TRMT1: variants seen among roughly 807,000 people sequenced by gnomAD.
TRMT1 encodes tRNA methyltransferase 1.
Under a neutral mutation model 75.4 loss-of-function variants are expected in TRMT1, and 63 were observed. The ratio of observed to expected loss-of-function variants is 0.84; its 90% confidence interval spans 0.68 to 1.03. The LOEUF is 1.03. Among genes scored for constraint, TRMT1 ranks in the 50% least tolerant of loss-of-function variants. The pLI is 0.00. For synonymous variants in TRMT1, 382 were observed against 358.1 expected (o/e 1.07, Z -0.75); for missense variants, 870 against 905.3 (o/e 0.96, Z 0.50).
chr19:13,112,850 C>CAACA (rs747687079), intron 6 of TRMT1, 33 bp from the exon 7 acceptor site: 1 of 1,613,672 alleles, frequency 6.2e-7, no homozygotes, highest in Non-Finnish European at 8.5e-7. Context: ...GAGAACCCTC[C>CAACA]AACACCCCAA....
rs1392783897 is a variant in TRMT1 at position 13,116,196 on chromosome 19, A to G, written c.204T>C (p.Ser68=). ...TEGAAKIAFP[S]ANEVFYNPVQ... Reference sequence around the variant, plus strand: ...CCGGGTTATAAAAGACCTCGTTGGCACTGGGAAAGGCGATTTTGGCAGCCC... The same window carrying G: ...CCGGGTTATAAAAGACCTCGTTGGCGCTGGGAAAGGCGATTTTGGCAGCCC... The change falls in exon 2 of 17, where the codon AGT becomes AGC. Residue 68 remains serine, a synonymous_variant. Coordinates refer to ENST00000357720, the MANE Select transcript of TRMT1 (RefSeq NM_001136035.4). 1 of 1,613,954 alleles carries G rather than the reference A, an allele frequency of 6.2e-7. No individual in the cohort carries two copies. The highest frequency in any genetic ancestry group is 1.3e-5 in the African/African-American group (1 of 74,876).
chr19:13,109,316 CCTGG>C, intron 12 of TRMT1, 61 bp downstream of exon 12: 6 of 1,586,164 alleles, frequency 3.8e-6, no homozygotes, highest in Non-Finnish European at 5.2e-6. Context: ...CATGAGAATC[CCTGG>C]ACTTGCCCCA....
intron 14 of TRMT1, 98 bp downstream of exon 14, chr19:13,107,476 C>A: frequency 7.2e-7 from 1 of 1,381,446 alleles, no homozygotes; most frequent in South Asian, 1.2e-5. Flanking sequence ...GAAGAATGGG[C>A]ACGAGTCTGT....
rs140145103 is a variant in TRMT1, at chr19:13,113,052, G to C, written c.642-41C>G. The C allele has an allele frequency of 1.7e-4, 261 of 1,520,240 alleles. 3 individuals are homozygous for C. The East Asian group carries it at 5.9e-3, about 35-fold the overall frequency. 94.2% of individuals were successfully genotyped at this position (1,520,240 alleles called of 1,614,324 possible). On this transcript the variant is annotated intron_variant, in intron 5 of 16. Transcript: ENST00000357720. Reference sequence around the variant, plus strand: ...GCCAGGTCCTCAGCCTCCCACGCCAGGTACCTTCTCTGTCCCCTACACATA... The same window carrying C: ...GCCAGGTCCTCAGCCTCCCACGCCACGTACCTTCTCTGTCCCCTACACATA...
chr19:13,110,678 G>C (rs1176957749), intron 7 of TRMT1, among the ~76,000 whole-genome samples: 1 of 152,192 alleles, frequency 6.6e-6, no homozygotes. Context: ...TAGAACTGCT[G>C]GGGCCTGGGC....
At chr19:13,106,851 C>T (rs1305287359) in intron 14 of TRMT1, among the ~76,000 whole-genome samples, 12 of 150,956 alleles carry the variant, frequency 7.9e-5, no homozygotes, top group African/African-American at 2.9e-4. Context: ...GAGACGGAGT[C>T]TTACTCTGTC....
chr19:13,107,470 A>T, intron 14 of TRMT1, 104 bp downstream of exon 14: 1 of 1,354,650 alleles, frequency 7.4e-7, no homozygotes, highest in Non-Finnish European at 1.0e-6. Context: ...TCACTTGAAG[A>T]ATGGGCACGA....
chr19:13,113,753 G>A (rs2019229887), intron 5 of TRMT1, among the ~76,000 whole-genome samples: 1 of 151,424 alleles, frequency 6.6e-6, no homozygotes, highest in South Asian at 2.1e-4. Flanking sequence ...GGGATTACAG[G>A]CACGTGCCAC....
At chr19:13,113,740 G>C (rs1021382764) in intron 5 of TRMT1, among the ~76,000 whole-genome samples, 3 of 151,948 alleles carry the variant, frequency 2.0e-5, no homozygotes, top group African/African-American at 7.3e-5. Flanking sequence ...TTCCCAAGTA[G>C]CTGGGATTAC....
chr19:13,112,239 T>C (rs2019168741), intron 7 of TRMT1, among the ~76,000 whole-genome samples: 1 of 151,952 alleles, frequency 6.6e-6, no homozygotes, highest in Non-Finnish European at 1.5e-5. Context: ...TCCACCTGCC[T>C]AGGCCTCCCA....
chr19:13,116,536 C>T (rs1368195661), intron 1 of TRMT1, 105 bp from the exon 2 acceptor site: 4 of 1,221,808 alleles, frequency 3.3e-6, no homozygotes, highest in African/African-American at 1.5e-5. Context: ...AAACCTGCGG[C>T]CTCGGTAAGC....
chr19:13,106,311 G>C (rs554445890), intron 14 of TRMT1, among the ~76,000 whole-genome samples: 10 of 152,144 alleles, frequency 6.6e-5, no homozygotes, highest in East Asian at 3.9e-4. Flanking sequence ...GGGCTCAAGC[G>C]ATCTTCCCGC....
chr19:13,116,303 T>C lies in TRMT1; in HGVS notation c.97A>G (p.Asn33Asp). 5 of 1,614,044 alleles carry C rather than the reference T, an allele frequency of 3.1e-6. No homozygotes were observed. The highest frequency in any genetic ancestry group is 4.2e-6 in the Non-Finnish European group (5 of 1,180,016). Reference sequence around the variant, plus strand: ...GTGCCGTTCTCCATCGCTGCTGTATTCGGCAGCCCTGGAGACTGCCACTCG... The same window carrying C: ...GTGCCGTTCTCCATCGCTGCTGTATCCGGCAGCCCTGGAGACTGCCACTCG... ...FFEWQSPGLP[N>D]TAAMENGTGP... is the part of the protein sequence containing the mutation. The change falls in exon 2 of 17, where the codon AAT becomes GAT. Residue 33 changes from asparagine to aspartate, a missense_variant. Coordinates refer to ENST00000357720, the MANE Select transcript of TRMT1 (RefSeq NM_001136035.4).
rs1320887970 is a variant in TRMT1 at position 13,115,999 on chromosome 19, T to C, written c.308A>G (p.Gln103Arg). 2.5e-6 allele frequency: 4 copies of C among 1,613,814 alleles called. No individual in the cohort carries two copies. The highest frequency in any genetic ancestry group is 3.4e-6 in the Non-Finnish European group (4 of 1,180,000). ...CAGAAGCCTGGACCTCCACTCACTC[T>C]GGATTCCTTTGGCCCCAAGCTGAAT... Reference protein sequence around the residue: ...ARIQLGAKGIQIKVPGEKDTQ... With the variant: ...ARIQLGAKGIRIKVPGEKDTQ... Residue 103 changes from glutamine (Q) to arginine (R), a missense_variant and splice_region_variant, in exon 3 of 17, where the codon CAG becomes CGG. By Grantham distance (43) the Gln-to-Arg change is conservative (BLOSUM62 1). Transcript: ENST00000357720.
rs766037892 is a variant in TRMT1, at chr19:13,116,306, G to A, written c.94C>T (p.Pro32Ser). The stretch of plus-strand genomic sequence containing the variant: ...CCGTTCTCCATCGCTGCTGTATTCG[G>A]CAGCCCTGGAGACTGCCACTCGAAA... Reference protein sequence around the residue: ...RFFEWQSPGLPNTAAMENGTG... With the variant: ...RFFEWQSPGLSNTAAMENGTG... Residue 32 changes from proline to serine, a missense_variant, in exon 2 of 17, where the codon CCG becomes TCG. Transcript: ENST00000357720. The A allele has an allele frequency of 7.4e-6, 12 of 1,614,074 alleles. No individual in the cohort carries two copies. In the South Asian group the frequency reaches 1.2e-4, roughly 16 times the overall value.
chr19:13,113,114 C>CA, intron 5 of TRMT1, 103 bp from the exon 6 acceptor site: 1 of 684,736 alleles, frequency 1.5e-6, no homozygotes, highest in African/African-American at 1.9e-5. Context: ...GTCTGAACTC[C>CA]GGGGCCAGAT....
chr19:13,110,764 A>G (rs573252541), intron 7 of TRMT1, among the ~76,000 whole-genome samples: 54 of 152,228 alleles, frequency 3.5e-4, no homozygotes, highest in African/African-American at 1.3e-3. Flanking sequence ...CCTGGCTAAC[A>G]TGATGAAATC....
Position 13,105,281 on chromosome 19 carries a change from T to A in TRMT1, c.1819A>T (p.Lys607Ter). ...AGGGACCTCACCTCCTTAAACCTCTTGCAAGGAAATGTCTTGAGCCGGGCA... is the reference window on the plus strand; with the variant it reads ...AGGGACCTCACCTCCTTAAACCTCTAGCAAGGAAATGTCTTGAGCCGGGCA... ...RAARLKTFPC[K>*]RFKEGTCQRG... Residue 607 changes from lysine (K) to a stop codon, truncating the protein, a stop_gained, in exon 16 of 17, where the codon AAG becomes TAG. Coordinates refer to ENST00000357720, the MANE Select transcript of TRMT1 (RefSeq NM_001136035.4). LOFTEE classifies it low-confidence loss of function (END_TRUNC). 1 of 1,613,792 alleles carries A rather than the reference T, an allele frequency of 6.2e-7. No individual in the cohort carries two copies. Among genetic ancestry groups the A allele is most frequent in the South Asian group, 1.1e-5 (1 of 91,004 alleles).
rs997734630 is a variant in TRMT1 at position 13,110,225 on chromosome 19, C to T, written c.952G>A (p.Ala318Thr). ...RFVVPLLSIS[A>T]DFYVRVFVRV... is the part of the protein sequence containing the mutation. The stretch of plus-strand genomic sequence containing the variant: ...ACAAAAACACGCACGTAGAAGTCAG[C>T]GCTGATGCTGAGCAGCGGCACCACG... Residue 318 changes from alanine (A) to threonine (T), a missense_variant, in exon 8 of 17, where the codon GCT becomes ACT. By Grantham distance (58) the Ala-to-Thr change is moderately conservative (BLOSUM62 0). Coordinates refer to ENST00000357720, the MANE Select transcript of TRMT1 (RefSeq NM_001136035.4). The T allele has an allele frequency of 5.6e-6, 9 of 1,613,064 alleles. No homozygotes were observed. The highest frequency in any genetic ancestry group is 1.1e-5 in the South Asian group (1 of 91,044).
Sources: gnomAD v4.1 joint callset for allele counts (sites outside exome capture counted in the v4.1 genomes callset) on GRCh38, gnomAD v4.1.1 for gene constraint, MANE v1.5 for transcripts, NCBI Gene and HGNC (gene_info 2026-07-23, HGNC 2026-07-21) for gene names.